CPEB3: variants seen among roughly 807,000 people sequenced by gnomAD.
CPEB3 encodes cytoplasmic polyadenylation element-binding protein 3.
In CPEB3, 20 loss-of-function variants were observed where a neutral mutation model predicts 67.2. The ratio of observed to expected loss-of-function variants is 0.30; its 90% CI spans 0.21 to 0.43. The LOEUF is 0.43. Among genes scored for constraint, CPEB3 ranks in the 20% least tolerant of loss-of-function variants. CPEB3 has a pLI of 1.00. For synonymous variants in CPEB3, 376 were observed against 393.1 expected (o/e 0.96, Z 0.51); for missense variants, 746 against 968.6 (o/e 0.77, Z 3.05).
chr10:92,111,065 GTA>G lies in CPEB3; in HGVS notation c.1572+9_1572+10del, dbSNP rs765532394. On this transcript the variant is annotated intron_variant, in intron 7 of 9. Coordinates refer to ENST00000265997, the MANE Select transcript of CPEB3 (RefSeq NM_014912.5). Reference sequence around the variant, plus strand: ...CTCTGGAAAAGCAACAGCTGGCCATGTATTACTTACTGGCTTGTCCTTGATGG... The same window carrying G: ...CTCTGGAAAAGCAACAGCTGGCCATGTTACTTACTGGCTTGTCCTTGATGG... 10 of 1,553,994 alleles carry G rather than the reference GTA, an allele frequency of 6.4e-6. No homozygotes were observed. Among genetic ancestry groups the G allele is most frequent in the Non-Finnish European group, 8.9e-6 (10 of 1,125,262 alleles).
At chr10:92,182,731 C>T (rs895186920) in intron 3 of CPEB3, among the ~76,000 whole-genome samples, 9 of 149,194 alleles carry the variant, frequency 6.0e-5, no homozygotes, top group Non-Finnish European at 1.3e-4. Context: ...GAGGCTGAGG[C>T]AGGAGAATCA....
chr10:92,199,904 AG>A (rs1849436103), intron 2 of CPEB3, among the ~76,000 whole-genome samples: 1 of 151,890 alleles, frequency 6.6e-6, no homozygotes, highest in Non-Finnish European at 1.5e-5. Context: ...ACAGAGAGAG[AG>A]AGAGAGAGAG....
chr10:92,250,078 T>C (rs977593640), intron 1 of CPEB3, among the ~76,000 whole-genome samples: 2 of 151,632 alleles, frequency 1.3e-5, no homozygotes, highest in Admixed American at 6.6e-5. Context: ...TTTAAGCTGT[T>C]ATTACAAGTG....
chr10:92,106,289 T>G (rs764741008), intron 7 of CPEB3, among the ~76,000 whole-genome samples: 2 of 151,932 alleles, frequency 1.3e-5, no homozygotes, highest in African/African-American at 4.8e-5. Flanking sequence ...CACAAGATTT[T>G]ATATCAACTC....
chr10:92,210,911 C>A (rs996056261), intron 2 of CPEB3, among the ~76,000 whole-genome samples: 9 of 152,144 alleles, frequency 5.9e-5, no homozygotes, highest in African/African-American at 2.2e-4. Flanking sequence ...GTGGCACATG[C>A]CTGTAATCCC....
chr10:92,147,905 T>C (rs1027865184), intron 4 of CPEB3, among the ~76,000 whole-genome samples: 1 of 152,106 alleles, frequency 6.6e-6, no homozygotes, highest in African/African-American at 2.4e-5. Context: ...ATGCTGATTA[T>C]CCACACTGGA....
chr10:92,279,503 C>T (rs1043260783), intron 1 of CPEB3, among the ~76,000 whole-genome samples: 2 of 152,090 alleles, frequency 1.3e-5, no homozygotes, highest in African/African-American at 2.4e-5. Flanking sequence ...CAGCATATGT[C>T]TATTTATAGC....
intron 4 of CPEB3, among the ~76,000 whole-genome samples, chr10:92,156,074 G>C (rs1393678730): frequency 6.6e-6 from 1 of 152,138 alleles, no homozygotes; most frequent in Non-Finnish European, 1.5e-5. Context: ...TTAGGCACTA[G>C]AGACAACTAT....
chr10:92,120,257 AAAACAAAC>A (rs35341612), intron 6 of CPEB3, among the ~76,000 whole-genome samples: 110 of 144,840 alleles, frequency 7.6e-4, no homozygotes, highest in South Asian at 1.8e-3. Context: ...TAAAAATACA[AAAACAAAC>A]AAACAAACAA....
intron 2 of CPEB3, among the ~76,000 whole-genome samples, chr10:92,221,269 G>A (rs1038624660): frequency 6.6e-6 from 1 of 152,164 alleles, no homozygotes; most frequent in Non-Finnish European, 1.5e-5. Flanking sequence ...ATGGCAGGTG[G>A]ATCACTTGAG....
chr10:92,164,217 G>C (rs1459633962), intron 4 of CPEB3, among the ~76,000 whole-genome samples: 1 of 152,194 alleles, frequency 6.6e-6, no homozygotes, highest in Non-Finnish European at 1.5e-5. Context: ...GTCCAGAGAA[G>C]ATGACTGGCC....
intron 4 of CPEB3, among the ~76,000 whole-genome samples, chr10:92,166,570 G>C (rs1297234047): frequency 6.6e-6 from 1 of 152,194 alleles, no homozygotes; most frequent in African/African-American, 2.4e-5. Flanking sequence ...TTTGAAAGGA[G>C]TATTTTTCTT....
chr10:92,290,071 TAATGA>T (rs1780300379), intron 1 of CPEB3, among the ~76,000 whole-genome samples: 1 of 151,842 alleles, frequency 6.6e-6, no homozygotes, highest in Non-Finnish European at 1.5e-5. Context: ...TTTGAACAGA[TAATGA>T]AAAGTTGATT....
intron 1 of CPEB3, among the ~76,000 whole-genome samples, chr10:92,269,368 T>C (rs1351085693): frequency 6.6e-6 from 1 of 152,122 alleles, no homozygotes; most frequent in Non-Finnish European, 1.5e-5. Context: ...AGCATACCAA[T>C]TAGTATTTTT....
intron 9 of CPEB3, among the ~76,000 whole-genome samples, chr10:92,053,310 A>G (rs1271307869): frequency 6.6e-6 from 1 of 151,980 alleles, no homozygotes; most frequent in African/African-American, 2.4e-5. Flanking sequence ...GTTCTCACCC[A>G]CTTTCCTTTC....
chr10:92,265,932 C>A, intron 1 of CPEB3, among the ~76,000 whole-genome samples: 1 of 151,484 alleles, frequency 6.6e-6, no homozygotes, highest in African/African-American at 2.4e-5. Context: ...TGGGCTCTGC[C>A]CTCATGAATG....
Position 92,280,029 on chromosome 10 carries a change from GAA to G in CPEB3, c.-12+10895_-12+10896del, listed in dbSNP as rs60118353. 5.3e-3 allele frequency among the ~76,000 whole-genome samples: 813 copies of G among 151,966 alleles called. 7 individuals carry two copies. Among genetic ancestry groups the G allele is most frequent in the African/African-American group, 0.019 (773 of 41,466 alleles). ...TGGTCTCAAAAAAGAAAGAAAGAGAGAAAGAGAGAGAGAAAGAGACAGAGAGA... is the reference window on the plus strand; with the variant it reads ...TGGTCTCAAAAAAGAAAGAAAGAGAGAGAGAGAGAGAAAGAGACAGAGAGA... On this transcript the variant is annotated intron_variant, in intron 1 of 9. Coordinates refer to ENST00000265997, the MANE Select transcript of CPEB3 (RefSeq NM_014912.5).
chr10:92,230,179 G>A (rs1004020746), intron 2 of CPEB3, among the ~76,000 whole-genome samples: 5 of 152,188 alleles, frequency 3.3e-5, no homozygotes, highest in African/African-American at 1.2e-4. Context: ...CCTACTAAGT[G>A]TCAGGCACTT....
intron 2 of CPEB3, among the ~76,000 whole-genome samples, chr10:92,203,701 C>T (rs1849647121): frequency 6.6e-6 from 1 of 151,858 alleles, no homozygotes; most frequent in Non-Finnish European, 1.5e-5. Flanking sequence ...GGATTGCAGA[C>T]ATGAGCCACC....
Sources: allele counts gnomAD v4.1 joint callset (sites outside exome capture counted in the v4.1 genomes callset), GRCh38; gene constraint gnomAD v4.1.1; transcripts MANE v1.5; gene names NCBI Gene and HGNC (gene_info 2026-07-23, HGNC 2026-07-21).